The following GALNT13 variants were observed in gnomAD, a reference collection of about 807,000 sequenced individuals.
GALNT13 encodes the protein UDP-GalNAc:polypeptide N-acetylgalactosaminyltransferase 13.
A neutral mutation model predicts 64.2 loss-of-function variants in GALNT13; 28 were observed. The ratio of observed to expected loss-of-function variants is 0.44; its 90% CI spans 0.32 to 0.60. GALNT13 has a LOEUF of 0.60. Among genes scored for constraint, GALNT13 ranks in the 20% least tolerant of loss-of-function variants. The pLI is 0.05. For synonymous variants in GALNT13, 214 were observed against 224.6 expected (o/e 0.95, Z 0.42); for missense variants, 577 against 669.8 (o/e 0.86, Z 1.53).
intron 8 of GALNT13, among the ~76,000 whole-genome samples, chr2:154,260,550 C>A (rs1024087585): frequency 6.6e-6 from 1 of 152,062 alleles, no homozygotes; most frequent in African/African-American, 2.4e-5. Flanking sequence ...TTGCATTTGT[C>A]TATATGCTTA....
At chr2:153,861,555 CTTTCTTTTTTTT>C in the GALNT13 span, among the ~76,000 whole-genome samples, 1 of 111,144 alleles carries the variant, frequency 9.0e-6, no homozygotes, top group East Asian at 2.7e-4. Context: ...CTTTTTCTTT[CTTTCTTTTTTTT>C]TTTTTTTTTT....
chr2:153,889,253 CTA>C (rs1687385183), intron 1 of GALNT13, among the ~76,000 whole-genome samples: 1 of 151,798 alleles, frequency 6.6e-6, no homozygotes, highest in African/African-American at 2.4e-5. Flanking sequence ...TTCATTAACT[CTA>C]GAGTTTATTT....
At chr2:154,072,515 A>C (rs906631019) in intron 3 of GALNT13, among the ~76,000 whole-genome samples, 1 of 152,078 alleles carries the variant, frequency 6.6e-6, no homozygotes, top group Non-Finnish European at 1.5e-5. Flanking sequence ...GGCTCAAAAC[A>C]TCAATGTAAC....
At chr2:153,571,563 A>C in the GALNT13 span, among the ~76,000 whole-genome samples, 1 of 152,032 alleles carries the variant, frequency 6.6e-6, no homozygotes, top group Non-Finnish European at 1.5e-5. Context: ...TTCCCCATTC[A>C]GTATGATACT....
chr2:153,666,264 C>T, the GALNT13 span, among the ~76,000 whole-genome samples: 1 of 152,120 alleles, frequency 6.6e-6, no homozygotes, highest in Non-Finnish European at 1.5e-5. Context: ...CACATGATTG[C>T]CCATTGCCTA....
chr2:154,037,995 A>T (rs1243438880), intron 3 of GALNT13, among the ~76,000 whole-genome samples: 1 of 152,128 alleles, frequency 6.6e-6, no homozygotes, highest in East Asian at 1.9e-4. Flanking sequence ...AATTTTTTTT[A>T]AAATTAGTCA....
the GALNT13 span, among the ~76,000 whole-genome samples, chr2:153,552,088 G>C: frequency 8.5e-5 from 13 of 152,152 alleles, no homozygotes; most frequent in Admixed American, 8.5e-4. Context: ...ACATGTTTCT[G>C]GTAGGTTGAG....
the GALNT13 span, among the ~76,000 whole-genome samples, chr2:153,662,302 C>A: frequency 6.6e-6 from 1 of 152,174 alleles, no homozygotes; most frequent in Non-Finnish European, 1.5e-5. Flanking sequence ...TTTGTTGCAA[C>A]TGCAGCAAAA....
At chr2:153,966,535 T>C (rs1470378857) in intron 3 of GALNT13, among the ~76,000 whole-genome samples, 1 of 151,844 alleles carries the variant, frequency 6.6e-6, no homozygotes, top group Non-Finnish European at 1.5e-5. Context: ...CTGGCTAATT[T>C]TTTTTTGTAT....
chr2:153,380,579 G>C, the GALNT13 span, among the ~76,000 whole-genome samples: 1 of 151,910 alleles, frequency 6.6e-6, no homozygotes, highest in Non-Finnish European at 1.5e-5. Context: ...TGGTAAGGGG[G>C]TGGGGGGTCC....
intron 2 of GALNT13, among the ~76,000 whole-genome samples, chr2:153,925,976 GA>G (rs1317897718): frequency 1.3e-5 from 2 of 151,994 alleles, no homozygotes; most frequent in Non-Finnish European, 2.9e-5. Context: ...GAGTTTTCTA[GA>G]TTTAGGATCA....
the GALNT13 span, among the ~76,000 whole-genome samples, chr2:153,552,801 G>C: frequency 2.0e-5 from 3 of 152,074 alleles, no homozygotes; most frequent in Admixed American, 6.6e-5. Flanking sequence ...GGATGAAACT[G>C]TTCCATCTCA....
rs536403093 is a variant in GALNT13 at position 154,036,659 on chromosome 2, TCTTTA to T, written c.142+92037_142+92041del. Among the ~76,000 whole-genome samples the T allele has an allele frequency of 5.7e-3, 864 of 152,254 alleles. 5 individuals carry two copies. Among genetic ancestry groups the T allele is most frequent in the African/African-American group, 0.013 (539 of 41,570 alleles). ...GTTATTTTTTAACTAAAATATTTTT[TCTTTA>T]CTTTACTTTACTTTACACCATCATG... On this transcript the variant is annotated intron_variant, in intron 3 of 12. Coordinates refer to ENST00000392825, the MANE Select transcript of GALNT13 (RefSeq NM_052917.4).
chr2:153,861,493 A>G, the GALNT13 span, among the ~76,000 whole-genome samples: 1 of 151,780 alleles, frequency 6.6e-6, no homozygotes, highest in Non-Finnish European at 1.5e-5. Flanking sequence ...ATGGTTTATG[A>G]TGAAAATAAA....
chr2:153,250,126 G>C, the GALNT13 span, among the ~76,000 whole-genome samples: 177 of 152,234 alleles, frequency 1.2e-3, no homozygotes, highest in African/African-American at 4.1e-3. Context: ...GAAAATTTTT[G>C]CAATCCATCC....
the GALNT13 span, among the ~76,000 whole-genome samples, chr2:153,483,512 GT>G: frequency 6.7e-6 from 1 of 148,606 alleles, no homozygotes; most frequent in South Asian, 2.1e-4. Flanking sequence ...TGCCTCCAGG[GT>G]TCAAGCAATT....
chr2:153,243,901 A>G, the GALNT13 span, among the ~76,000 whole-genome samples: 4 of 152,126 alleles, frequency 2.6e-5, no homozygotes, highest in African/African-American at 9.7e-5. Flanking sequence ...AAAATTGTAT[A>G]GGGTTCTAAA....
the GALNT13 span, among the ~76,000 whole-genome samples, chr2:153,215,710 A>G: frequency 1.3e-5 from 2 of 151,108 alleles, no homozygotes; most frequent in East Asian, 3.9e-4. Context: ...GTGAATTTCT[A>G]TGTGTCTTGC....
intron 8 of GALNT13, among the ~76,000 whole-genome samples, chr2:154,281,477 G>A (rs915731255): frequency 6.6e-6 from 1 of 152,112 alleles, no homozygotes; most frequent in Non-Finnish European, 1.5e-5. Flanking sequence ...AAGCCATAAA[G>A]TGTGGTGATC....
Sources: gnomAD v4.1 joint callset for allele counts (sites outside exome capture counted in the v4.1 genomes callset) on GRCh38, gnomAD v4.1.1 for gene constraint, MANE v1.5 for transcripts, NCBI Gene and HGNC (gene_info 2026-07-23, HGNC 2026-07-21) for gene names.